The following RAPGEF5 variants were observed in gnomAD, a reference collection of about 807,000 sequenced individuals.
The protein encoded by RAPGEF5 is Rap guanine nucleotide exchange factor 5, also known as M-Ras-regulated GEF.
Under a neutral mutation model 125.2 loss-of-function variants are expected in RAPGEF5, and 65 were observed. The ratio of observed to expected loss-of-function variants is 0.52; its 90% CI spans 0.43 to 0.64. RAPGEF5 has a LOEUF of 0.64. Ranked by LOEUF, RAPGEF5 falls within the 30% of genes least tolerant of loss-of-function variation. RAPGEF5 has a pLI of 0.00. For synonymous variants in RAPGEF5, 391 were observed against 385.9 expected, an observed-to-expected ratio of 1.01 and a Z score of -0.16; for missense variants, 958 against 1,048.1, an observed-to-expected ratio of 0.91 and a Z score of 1.19.
intron 6 of RAPGEF5, among the ~76,000 whole-genome samples, chr7:22,290,409 C>T (rs1009754366): frequency 6.6e-6 from 1 of 152,170 alleles, no homozygotes; most frequent in Non-Finnish European, 1.5e-5. Context: ...AAGCCATGAA[C>T]TTTACTTCAA....
chr7:22,127,894 G>A (rs750611827), intron 24 of RAPGEF5, among the ~76,000 whole-genome samples: 5 of 152,154 alleles, frequency 3.3e-5, no homozygotes, highest in African/African-American at 7.2e-5. Context: ...ACTTCTATTC[G>A]ATAGTGGAAA....
chr7:22,280,199 A>C (rs553048019), intron 6 of RAPGEF5, among the ~76,000 whole-genome samples: 1 of 152,324 alleles, frequency 6.6e-6, no homozygotes, highest in Admixed American at 6.5e-5. Context: ...ATACAGGAAA[A>C]AAAAGAGATT....
chr7:22,139,011 A>G (rs1783168712), intron 21 of RAPGEF5, among the ~76,000 whole-genome samples: 1 of 152,036 alleles, frequency 6.6e-6, no homozygotes, highest in South Asian at 2.1e-4. Context: ...GGGCCCCTTT[A>G]AGGAGGACTG....
Position 22,122,927 on chromosome 7 carries a change from T to A in RAPGEF5, c.2537-406A>T, listed in dbSNP as rs113694017. 2.5e-3 allele frequency among the ~76,000 whole-genome samples: 382 copies of A among 152,270 alleles called. 1 individual carries two copies. Among genetic ancestry groups the A allele is most frequent in the Middle Eastern group, 0.01 (3 of 294 alleles). On this transcript the variant is annotated intron_variant, in intron 25 of 25. Coordinates refer to ENST00000665637, the MANE Select transcript of RAPGEF5 (RefSeq NM_012294.5). ...ACCTGTTTAAATGGCCAGCACTGGG[T>A]CCTATATCTCAGTCTAGAAGCGTTG...
intron 7 of RAPGEF5, among the ~76,000 whole-genome samples, chr7:22,242,153 A>G (rs1786347633): frequency 6.6e-6 from 1 of 152,172 alleles, no homozygotes; most frequent in African/African-American, 2.4e-5. Flanking sequence ...GGCCAGAGAG[A>G]TGGCCGAGGG....
At chr7:22,208,107 T>A (rs1160317807) in intron 9 of RAPGEF5, among the ~76,000 whole-genome samples, 1 of 152,180 alleles carries the variant, frequency 6.6e-6, no homozygotes, top group South Asian at 2.1e-4. Flanking sequence ...TTCTGTCTCA[T>A]TAAATGCCGG....
chr7:22,164,094 G>A (rs1784088590), intron 12 of RAPGEF5, among the ~76,000 whole-genome samples: 1 of 152,148 alleles, frequency 6.6e-6, no homozygotes. Flanking sequence ...AGCGCTTTGG[G>A]AGGCTGAGGC....
intron 19 of RAPGEF5, 26 bp from the exon 20 acceptor site, chr7:22,145,248 G>C (rs558374039): frequency 1.6e-5 from 25 of 1,583,020 alleles, no homozygotes; most frequent in Admixed American, 1.8e-5. Flanking sequence ...TTCATGCCAG[G>C]GTTTATTTAT....
intron 1 of RAPGEF5, among the ~76,000 whole-genome samples, chr7:22,329,587 A>G (rs1228422666): frequency 2.0e-5 from 3 of 152,226 alleles, no homozygotes; most frequent in African/African-American, 2.4e-5. Flanking sequence ...AAAATAAGTA[A>G]AAGTAAAGAG....
At chr7:22,152,984 C>G (rs1351216930) in intron 17 of RAPGEF5, among the ~76,000 whole-genome samples, 1 of 152,142 alleles carries the variant, frequency 6.6e-6, no homozygotes, top group Non-Finnish European at 1.5e-5. Context: ...ACTGATGAAT[C>G]TAATTTAATA....
At chr7:22,241,876 C>A (rs1195379021) in intron 7 of RAPGEF5, among the ~76,000 whole-genome samples, 1 of 152,114 alleles carries the variant, frequency 6.6e-6, no homozygotes, top group East Asian at 1.9e-4. Flanking sequence ...CTTGAAATGG[C>A]AGAATCTGTA....
At chr7:22,128,475 G>C (rs186182975) in intron 24 of RAPGEF5, among the ~76,000 whole-genome samples, 8 of 152,296 alleles carry the variant, frequency 5.3e-5, no homozygotes, top group Non-Finnish European at 5.9e-5. Flanking sequence ...CTTTTCACAA[G>C]TTAATTCACT....
chr7:22,356,068 T>C, intron 1 of RAPGEF5: 4 of 985,442 alleles, frequency 4.1e-6, no homozygotes, highest in South Asian at 4.7e-5. Context: ...AGGTGGCTTC[T>C]TAAAGATCCC....
chr7:22,189,325 T>C (rs1784919684), intron 11 of RAPGEF5, among the ~76,000 whole-genome samples: 1 of 152,108 alleles, frequency 6.6e-6, no homozygotes, highest in African/African-American at 2.4e-5. Context: ...TAATCCACAG[T>C]TTTCCCCCTG....
chr7:22,162,374 A>C, intron 13 of RAPGEF5, 23 bp downstream of exon 13: 2 of 1,538,814 alleles, frequency 1.3e-6, no homozygotes, highest in Non-Finnish European at 1.8e-6. Context: ...GGCATCAAAG[A>C]ATATCTGGAA....
chr7:22,327,705 T>A (rs954808124), intron 1 of RAPGEF5, among the ~76,000 whole-genome samples: 1 of 152,236 alleles, frequency 6.6e-6, no homozygotes, highest in Non-Finnish European at 1.5e-5. Context: ...CCTCTTTAAA[T>A]GAGTGAAATA....
chr7:22,232,204 C>A (rs1419479681), intron 7 of RAPGEF5, among the ~76,000 whole-genome samples: 2 of 152,164 alleles, frequency 1.3e-5, no homozygotes, highest in Non-Finnish European at 1.5e-5. Context: ...ATCCATCATG[C>A]CATTTATGCT....
chr7:22,305,649 T>C (rs1049273985), intron 5 of RAPGEF5, among the ~76,000 whole-genome samples: 1 of 152,162 alleles, frequency 6.6e-6, no homozygotes, highest in Non-Finnish European at 1.5e-5. Context: ...GTGGGCCTTA[T>C]TCATTCTTTC....
intron 17 of RAPGEF5, among the ~76,000 whole-genome samples, chr7:22,152,556 G>T (rs973071019): frequency 6.6e-6 from 1 of 152,028 alleles, no homozygotes; most frequent in African/African-American, 2.4e-5. Context: ...TACTACATAC[G>T]TATAACTACC....
Sources: allele counts gnomAD v4.1 joint callset (sites outside exome capture counted in the v4.1 genomes callset), GRCh38; gene constraint gnomAD v4.1.1; transcripts MANE v1.5; gene names NCBI Gene and HGNC (gene_info 2026-07-23, HGNC 2026-07-21).